The following CDX2 variants were observed in gnomAD, a reference collection of about 807,000 sequenced individuals.
The protein encoded by CDX2 is homeobox protein CDX-2.
Under a neutral mutation model 25.5 loss-of-function variants are expected in CDX2, and 7 were observed. The observed-to-expected ratio is 0.27, with a 90% confidence interval of 0.16 to 0.52. The LOEUF (loss-of-function observed/expected upper bound fraction) is 0.52. Among genes scored for constraint, CDX2 ranks in the 20% least tolerant of loss-of-function variants. CDX2 has a pLI of 0.97. For missense variants in CDX2, 375 were observed against 431.4 expected, an observed-to-expected ratio of 0.87 and a Z score of 1.16; for synonymous variants, 222 against 198.6, an observed-to-expected ratio of 1.12 and a Z score of -0.99.
At chr13:27,965,054 G>A in intron 1 of CDX2, 39 bp from the exon 2 acceptor site, 2 of 1,601,024 alleles carry the variant, frequency 1.2e-6, no homozygotes, top group South Asian at 2.2e-5. Context: ...GAACTGCAAG[G>A]CAGCCCATCA....
chr13:27,963,373 G>A lies in CDX2; in HGVS notation c.688-4C>T, dbSNP rs751523407. ...GGTTCTGAAACCAGATTTTAACCTA[G>A]AAATGGAAAGGTGGAGAAAAGCACA... On this transcript the variant is annotated splice_polypyrimidine_tract_variant and splice_region_variant and intron_variant, in intron 2 of 2. Transcript: ENST00000381020. The A allele has an allele frequency of 6.4e-6, 10 of 1,560,706 alleles. No individual in the cohort carries two copies. The highest frequency in any genetic ancestry group is 1.7e-4 in the Middle Eastern group (1 of 5,966).
rs1869026495 is a variant in CDX2, at chr13:27,961,143, C to T, written c.*1972G>A. On this transcript the variant is annotated 3_prime_UTR_variant, in exon 3 of 3. Coordinates refer to ENST00000381020, the MANE Select transcript of CDX2 (RefSeq NM_001265.6). The stretch of plus-strand genomic sequence containing the variant: ...GCACCCCCCGACCCCACGCCCCGCA[C>T]TCCTCCCTCTGGCTTCGAGGCCAGG... Among the ~76,000 whole-genome samples, 1 of 152,112 alleles carries T rather than the reference C, an allele frequency of 6.6e-6. No homozygotes were observed. Among genetic ancestry groups the T allele is most frequent in the Non-Finnish European group, 1.5e-5 (1 of 68,024 alleles).
At position 27,964,936 on chromosome 13, in the gene CDX2, G is replaced by A. The variant is rs1869241830; in HGVS notation, c.621C>T (p.Tyr207=). 2.5e-6 allele frequency: 4 copies of A among 1,614,162 alleles called. No individual in the cohort carries two copies. The highest frequency in any genetic ancestry group is 1.1e-5 in the South Asian group (1 of 91,078). Residue 207 remains tyrosine, a synonymous_variant, in exon 2 of 3, where the codon TAC becomes TAT. Coordinates refer to ENST00000381020, the MANE Select transcript of CDX2 (RefSeq NM_001265.6). This position sits in a 1 kb window ranked among gnomAD's most constrained non-coding sequence, Gnocchi z 4.7. ...QRLELEKEFH[Y]SRYITIRRKA... Reference sequence around the variant, plus strand: ...TCCTCCGGATGGTGATGTAGCGACTGTAGTGAAACTCCTTCTCCAGCTCCA... The same window carrying A: ...TCCTCCGGATGGTGATGTAGCGACTATAGTGAAACTCCTTCTCCAGCTCCA...
At chr13:27,967,798 C>T (rs1007886240) in intron 1 of CDX2, among the ~76,000 whole-genome samples, 3 of 152,182 alleles carry the variant, frequency 2.0e-5, no homozygotes, top group Non-Finnish European at 2.9e-5. Context: ...CCAGCTTTTG[C>T]TTGAAATGAC....
At position 27,962,938 on chromosome 13, in the gene CDX2, C is replaced by A. The variant is rs1188955015; in HGVS notation, c.*177G>T. On this transcript the variant is annotated 3_prime_UTR_variant, in exon 3 of 3. Coordinates refer to ENST00000381020, the MANE Select transcript of CDX2 (RefSeq NM_001265.6). ...AGTAAAAATCTGGGAGAGTATATTT[C>A]TTGAGGCCCCAAATCCCACTTGTCT... The A allele has an allele frequency of 4.1e-6, 3 of 723,900 alleles. No individual in the cohort carries two copies. The East Asian group carries it at 8.6e-5, about 21-fold the overall frequency. The allele number at this position is 723,900 out of a possible 1,614,324, so 44.8% of individuals were successfully genotyped here. A position where few individuals can be genotyped will look rare whatever the true frequency, so the allele number is the denominator to read the frequency against.
rs1374579798 is a variant in CDX2, at chr13:27,961,237, G to A, written c.*1878C>T. 6.6e-6 allele frequency among the ~76,000 whole-genome samples: 1 copy of A among 152,240 alleles called. No homozygotes were observed. The highest frequency in any genetic ancestry group is 1.5e-5 in the Non-Finnish European group (1 of 68,038). On this transcript the variant is annotated 3_prime_UTR_variant, in exon 3 of 3. Coordinates refer to ENST00000381020, the MANE Select transcript of CDX2 (RefSeq NM_001265.6). ...GCTGTATACGCCACCCGGAAGGGCC[G>A]CGGAATTGGAGAGGTGCTGCAGAGG...
chr13:27,968,046 T>C (rs749742742), intron 1 of CDX2, among the ~76,000 whole-genome samples: 1 of 152,174 alleles, frequency 6.6e-6, no homozygotes, highest in Non-Finnish European at 1.5e-5. Context: ...ATAAATGGCC[T>C]AGACCTAGCC....
At chr13:27,965,460 G>T (rs891116109) in intron 1 of CDX2, among the ~76,000 whole-genome samples, 1 of 152,132 alleles carries the variant, frequency 6.6e-6, no homozygotes, top group Non-Finnish European at 1.5e-5. Context: ...GTTGTAGAGG[G>T]GGTGTGGGGG....
rs1416869189 is a variant in CDX2, at chr13:27,963,058, G to C, written c.*57C>G. 1 of 1,559,582 alleles carries C rather than the reference G, an allele frequency of 6.4e-7. No homozygotes were observed. The highest frequency in any genetic ancestry group is 1.4e-5 in the African/African-American group (1 of 73,976). ...GGTCTCTCCTGAGGAGTCTAGCAGAGTCCACGCTCCTCATGGCTCAGCCTG... is the reference window on the plus strand; with the variant it reads ...GGTCTCTCCTGAGGAGTCTAGCAGACTCCACGCTCCTCATGGCTCAGCCTG... On this transcript the variant is annotated 3_prime_UTR_variant, in exon 3 of 3. Coordinates refer to ENST00000381020, the MANE Select transcript of CDX2 (RefSeq NM_001265.6).
Position 27,960,994 on chromosome 13 carries a change from T to A in CDX2, c.*2121A>T, listed in dbSNP as rs1418692619. ...AACCCCGGCGGCTAGGGGGCGGGCC[T>A]GTGGGCGCGGCCGGGGCGCGGGGAG... On this transcript the variant is annotated 3_prime_UTR_variant, in exon 3 of 3. Coordinates refer to ENST00000381020, the MANE Select transcript of CDX2 (RefSeq NM_001265.6). Among the ~76,000 whole-genome samples the A allele has an allele frequency of 6.6e-6, 1 of 152,204 alleles. No homozygotes were observed. The highest frequency in any genetic ancestry group is 1.5e-5 in the Non-Finnish European group (1 of 68,030).
chr13:27,966,956 G>A (rs1190510850), intron 1 of CDX2, among the ~76,000 whole-genome samples: 1 of 151,964 alleles, frequency 6.6e-6, no homozygotes, highest in Non-Finnish European at 1.5e-5. Context: ...CATCACAAGG[G>A]CACCCGGCGC....
chr13:27,964,643 G>T lies in CDX2; in HGVS notation c.687+227C>A, dbSNP rs1269383410. 6.6e-5 allele frequency among the ~76,000 whole-genome samples: 10 copies of T among 151,256 alleles called. No individual in the cohort carries two copies. In the East Asian group the frequency reaches 9.7e-4, roughly 15 times the overall value. ...CCCTTCAGCTCAGGAAGTCAGGGCT[G>T]CAGTGAGCTATGATTGTGCCACTAC... On this transcript the variant is annotated intron_variant, in intron 2 of 2. Transcript: ENST00000381020. This position sits in a 1 kb window ranked among gnomAD's most constrained non-coding sequence, Gnocchi z 4.7.
In CDX2 at chr13:27,965,174, G is replaced by A. The variant is rs1331454043; in HGVS notation, c.542-159C>T. 2.7e-5 allele frequency among the ~76,000 whole-genome samples: 4 copies of A among 150,366 alleles called. No individual in the cohort carries two copies. In the South Asian group the frequency reaches 6.2e-4, roughly 23 times the overall value. On this transcript the variant is annotated intron_variant, in intron 1 of 2. Coordinates refer to ENST00000381020, the MANE Select transcript of CDX2 (RefSeq NM_001265.6). Reference sequence around the variant, plus strand: ...GCCAAGTCTGACAAGACCCCCCAGAGGGTCCTGTGGGGGGAGGGTATGAGG... The same window carrying A: ...GCCAAGTCTGACAAGACCCCCCAGAAGGTCCTGTGGGGGGAGGGTATGAGG...
At chr13:27,967,195 C>T (rs1277928716) in intron 1 of CDX2, 3 of 451,766 alleles carry the variant, frequency 6.6e-6, no homozygotes, top group Non-Finnish European at 1.3e-5. Flanking sequence ...ATCTGGGAGC[C>T]CCTGCTAGGA....
rs372063071 is a variant in CDX2 at position 27,968,787 on chromosome 13, G to T, written c.220C>A (p.Arg74=). The change falls in exon 1 of 3, where the codon CGG becomes AGG. Residue 74 remains arginine, a synonymous_variant. Transcript: ENST00000381020. The part of the protein sequence containing the change: ...SWPAAYGAPL[R]EDWNGYAPGG... ...GGCGCGTAGCCATTCCAGTCCTCCC[G>T]GAGTGGGGCGCCATACGCTGCCGGC... 1.2e-5 allele frequency: 18 copies of T among 1,520,740 alleles called. No homozygotes were observed. The African/African-American group carries it at 2.1e-4, about 18-fold the overall frequency. The allele number at this position is 1,520,740 out of a possible 1,614,324, so 94.2% of individuals were successfully genotyped here.
At position 27,969,157 on chromosome 13, in the gene CDX2, C is replaced by A. The variant is rs1869511462; in HGVS notation, c.-151G>T. The A allele has an allele frequency of 1.7e-6, 1 of 574,566 alleles. No individual in the cohort carries two copies. The highest frequency in any genetic ancestry group is 2.0e-5 in the African/African-American group (1 of 49,970). 35.6% of individuals were successfully genotyped at this position (574,566 alleles called of 1,614,324 possible). ...GCGGTGCTCCGCTGGCTCCTCGCGG[C>A]TCTTCTGCCTCCGAGGCGGTCCCTC... is the stretch of plus-strand genomic sequence containing the variant. On this transcript the variant is annotated 5_prime_UTR_variant, in exon 1 of 3. Coordinates refer to ENST00000381020, the MANE Select transcript of CDX2 (RefSeq NM_001265.6).
chr13:27,966,369 C>A (rs1370559169), intron 1 of CDX2, among the ~76,000 whole-genome samples: 3 of 152,260 alleles, frequency 2.0e-5, no homozygotes, highest in African/African-American at 7.2e-5. Context: ...GACGCTCGGA[C>A]ACGCGTGACC....
chr13:27,963,412 G>A, intron 2 of CDX2, 43 bp from the exon 3 acceptor site: 5 of 1,465,714 alleles, frequency 3.4e-6, no homozygotes, highest in Non-Finnish European at 4.6e-6. Flanking sequence ...TGGTGAAGAT[G>A]TGAGGGAAAA....
In CDX2 at chr13:27,964,169, G is replaced by T. The variant is rs1279548154; in HGVS notation, c.687+701C>A. On this transcript the variant is annotated intron_variant, in intron 2 of 2. Coordinates refer to ENST00000381020, the MANE Select transcript of CDX2 (RefSeq NM_001265.6). The surrounding 1 kb of genome is among the most constrained non-coding windows in gnomAD (Gnocchi z 4.7). ...AATCTCAGCACTTTGGGAGGCCGAGGCGGGTGGATCACCTGAGGCCAGGAG... is the reference window on the plus strand; with the variant it reads ...AATCTCAGCACTTTGGGAGGCCGAGTCGGGTGGATCACCTGAGGCCAGGAG... Among the ~76,000 whole-genome samples, 2 of 151,920 alleles carry T rather than the reference G, an allele frequency of 1.3e-5. No individual in the cohort carries two copies. Among genetic ancestry groups the T allele is most frequent in the African/African-American group, 4.8e-5 (2 of 41,330 alleles).
Sources: gnomAD v4.1 joint callset for allele counts (sites outside exome capture counted in the v4.1 genomes callset) on GRCh38, gnomAD v4.1.1 for gene constraint, Gnocchi (gnomAD v3.1) non-coding constraint, MANE v1.5 for transcripts, NCBI Gene and HGNC (gene_info 2026-07-23, HGNC 2026-07-21) for gene names.